GRAMD4: variants seen among roughly 807,000 people sequenced by gnomAD.
GRAMD4 encodes the protein GRAM domain containing 4.
Under a neutral mutation model 83.9 loss-of-function variants are expected in GRAMD4, and 25 were observed. The ratio of observed to expected loss-of-function variants is 0.30; its 90% CI spans 0.22 to 0.42. The LOEUF (loss-of-function observed/expected upper bound fraction) is 0.42. Ranked by LOEUF, GRAMD4 falls within the 10% of genes least tolerant of loss-of-function variation. The probability of loss-of-function intolerance (pLI) is 1.00; values close to 1 mark genes in which losing one functional copy is unlikely to be tolerated. For missense variants in GRAMD4, 593 were observed against 788.7 expected (o/e 0.75, Z 2.97); for synonymous variants, 336 against 320.9 (o/e 1.05, Z -0.50).
At chr22:46,674,537 GT>G (rs2082565290) in intron 15 of GRAMD4, 119 bp from the exon 16 acceptor site, 8 of 782,618 alleles carry the variant, frequency 1.0e-5, no homozygotes, top group Non-Finnish European at 1.8e-5. Flanking sequence ...CACTGTGGGT[GT>G]GACGTGAGCG....
At chr22:46,636,980 C>G (rs1215484401) in intron 2 of GRAMD4, among the ~76,000 whole-genome samples, 1 of 152,142 alleles carries the variant, frequency 6.6e-6, no homozygotes, top group Non-Finnish European at 1.5e-5. Context: ...GGCTGTGAGC[C>G]GCGGTTTTCA....
rs780112364 is a variant in GRAMD4 at position 46,668,697 on chromosome 22, C to T, written c.939C>T (p.Phe313=). 3.2e-5 allele frequency: 51 copies of T among 1,612,398 alleles called. No individual in the cohort carries two copies. Among genetic ancestry groups the T allele is most frequent in the Non-Finnish European group, 3.6e-5 (43 of 1,179,506 alleles). Residue 313 remains phenylalanine, a synonymous_variant, in exon 12 of 19, where the codon TTC becomes TTT. Coordinates refer to ENST00000406902, the MANE Select transcript of GRAMD4 (RefSeq NM_015124.5). ...LDVAQKAQNL[F]GKMADILEKI... Reference sequence around the variant, plus strand: ...GTTTCTCCTTCACACAGAACCTTTTCGGGAAGATGGCTGACATCCTGGAGA... The same window carrying T: ...GTTTCTCCTTCACACAGAACCTTTTTGGGAAGATGGCTGACATCCTGGAGA...
intron 3 of GRAMD4, among the ~76,000 whole-genome samples, chr22:46,638,208 A>C (rs2081920567): frequency 6.6e-6 from 1 of 152,212 alleles, no homozygotes; most frequent in Non-Finnish European, 1.5e-5. Flanking sequence ...GTTGCTCCAC[A>C]GGGGCTGGGG....
chr22:46,630,413 GTGTT>G (rs1195950914), intron 2 of GRAMD4, among the ~76,000 whole-genome samples: 4 of 152,200 alleles, frequency 2.6e-5, no homozygotes, highest in African/African-American at 7.2e-5. Flanking sequence ...CTGCGATTGA[GTGTT>G]TGTGTGCATG....
chr22:46,660,800 A>G (rs902609732), intron 4 of GRAMD4, among the ~76,000 whole-genome samples: 2 of 151,976 alleles, frequency 1.3e-5, no homozygotes, highest in African/African-American at 4.8e-5. Context: ...CCGCTTCCCA[A>G]GAGTTAGGAA....
chr22:46,642,791 G>C (rs1030043917), intron 3 of GRAMD4, among the ~76,000 whole-genome samples: 8 of 152,174 alleles, frequency 5.3e-5, no homozygotes, highest in Admixed American at 5.2e-4. Flanking sequence ...TTACAGGAAA[G>C]TCACAAAAAT....
intron 2 of GRAMD4, among the ~76,000 whole-genome samples, chr22:46,627,881 A>G (rs953412816): frequency 6.6e-6 from 1 of 152,230 alleles, no homozygotes. Context: ...CTGGGGCATC[A>G]CTACAGACCA....
At chr22:46,628,937 T>A (rs923224072) in intron 2 of GRAMD4, among the ~76,000 whole-genome samples, 1 of 151,870 alleles carries the variant, frequency 6.6e-6, no homozygotes, top group Admixed American at 6.6e-5. Context: ...CTGGACCAGC[T>A]CTGGTGGGCA....
At position 46,677,431 on chromosome 22, in the gene GRAMD4, C is replaced by A; in HGVS notation, c.*180C>A. ...TTTATCGACCAAGAAGGGGCCAGGG[C>A]TCACAGGGACGGGGGTGCCCCTCTC... is the stretch of plus-strand genomic sequence containing the variant. On this transcript the variant is annotated 3_prime_UTR_variant, in exon 19 of 19. Transcript: ENST00000406902. 1 of 1,361,998 alleles carries A rather than the reference C, an allele frequency of 7.3e-7. No homozygotes were observed. Among genetic ancestry groups the A allele is most frequent in the Non-Finnish European group, 9.5e-7 (1 of 1,057,008 alleles). The allele number at this position is 1,361,998 out of a possible 1,614,324, so 84.4% of individuals were successfully genotyped here.
chr22:46,603,727 A>G (rs1304929427), intron 1 of GRAMD4, among the ~76,000 whole-genome samples: 2 of 150,986 alleles, frequency 1.3e-5, no homozygotes, highest in Non-Finnish European at 1.5e-5. Context: ...TGTGTTAGCC[A>G]GGATGGTCTC....
intron 1 of GRAMD4, among the ~76,000 whole-genome samples, chr22:46,602,828 T>C (rs9616077): frequency 0.82 from 120,699 of 146,860 alleles, 50,491 homozygotes; most frequent in East Asian, 1. Context: ...CTGCAACCTC[T>C]GCCTCTTGGG....
chr22:46,617,483 G>A (rs1215130353), upstream of GRAMD4, among the ~76,000 whole-genome samples: 3 of 151,402 alleles, frequency 2.0e-5, no homozygotes, highest in Non-Finnish European at 4.4e-5. Flanking sequence ...AGGTTCCCCT[G>A]TGCGTGTAGG....
chr22:46,576,154 T>A (rs1176417465), upstream of GRAMD4: 1 of 137,634 alleles, frequency 7.3e-6, no homozygotes, highest in East Asian at 2.0e-4. Flanking sequence ...GGGGACCCAG[T>A]CTGGGGAGGG....
intron 1 of GRAMD4, among the ~76,000 whole-genome samples, chr22:46,580,983 AAG>A (rs1555950205): frequency 8.2e-5 from 12 of 146,298 alleles, no homozygotes; most frequent in African/African-American, 2.5e-4. Flanking sequence ...AAAAAAAAAA[AAG>A]AAAGAAAGAA....
intron 1 of GRAMD4, among the ~76,000 whole-genome samples, chr22:46,580,695 T>G (rs984829829): frequency 6.6e-6 from 1 of 152,176 alleles, no homozygotes; most frequent in African/African-American, 2.4e-5. Flanking sequence ...CCGGGCGCGC[T>G]GGCTCACGCC....
chr22:46,615,557 C>T (rs2081471457), upstream of GRAMD4, among the ~76,000 whole-genome samples: 2 of 139,668 alleles, frequency 1.4e-5, no homozygotes, highest in African/African-American at 2.7e-5. Flanking sequence ...GTGTAGGTTC[C>T]CCTGTGCGTG....
intron 1 of GRAMD4, among the ~76,000 whole-genome samples, chr22:46,581,776 C>T (rs1372321476): frequency 6.6e-6 from 1 of 152,236 alleles, no homozygotes; most frequent in Non-Finnish European, 1.5e-5. Context: ...GACCAATGGG[C>T]TGTGCTTCTA....
intron 3 of GRAMD4, among the ~76,000 whole-genome samples, chr22:46,638,792 A>T (rs915277502): frequency 2.0e-5 from 3 of 152,222 alleles, no homozygotes; most frequent in Admixed American, 1.3e-4. Context: ...TGTGAACCAC[A>T]TGGAGCCCCC....
At chr22:46,587,165 T>C (rs1386318265) in intron 1 of GRAMD4, among the ~76,000 whole-genome samples, 1 of 151,980 alleles carries the variant, frequency 6.6e-6, no homozygotes, top group Non-Finnish European at 1.5e-5. Context: ...ACAACAGGAG[T>C]GGACCCTGTG....
Sources: allele counts gnomAD v4.1 joint callset (sites outside exome capture counted in the v4.1 genomes callset), GRCh38; gene constraint gnomAD v4.1.1; transcripts MANE v1.5; gene names NCBI Gene and HGNC (gene_info 2026-07-23, HGNC 2026-07-21).